The following WDFY4 variants were observed in gnomAD, a reference collection of about 807,000 sequenced individuals.
The protein encoded by WDFY4 is WD repeat- and FYVE domain-containing protein 4.
In WDFY4, 169 loss-of-function variants were observed where a neutral mutation model predicts 351.9. The ratio of observed to expected loss-of-function variants is 0.48; its 90% CI spans 0.42 to 0.55. The LOEUF (loss-of-function observed/expected upper bound fraction) is 0.55. Ranked by LOEUF, WDFY4 falls within the 20% of genes least tolerant of loss-of-function variation. The probability of loss-of-function intolerance (pLI) is 0.00; values close to 1 mark genes in which losing one functional copy is unlikely to be tolerated. For synonymous variants in WDFY4, 1,622 were observed against 1,574.6 expected, an observed-to-expected ratio of 1.03 and a Z score of -0.71; for missense variants, 3,803 against 3,935.6, an observed-to-expected ratio of 0.97 and a Z score of 0.90.
intron 58 of WDFY4, 83 bp from the exon 59 acceptor site, chr10:48,976,714 G>A: frequency 8.0e-7 from 1 of 1,242,780 alleles, no homozygotes; most frequent in Non-Finnish European, 1.0e-6. Flanking sequence ...GAGTACTTGG[G>A]TGTACCAACT....
chr10:48,817,748 A>T (rs2067672385), intron 32 of WDFY4, among the ~76,000 whole-genome samples: 1 of 152,214 alleles, frequency 6.6e-6, no homozygotes, highest in African/African-American at 2.4e-5. Flanking sequence ...GCTGTGCACC[A>T]CATGGGGGAG....
At chr10:48,829,467 CTT>C (rs1358093777) in intron 37 of WDFY4, among the ~76,000 whole-genome samples, 1 of 152,190 alleles carries the variant, frequency 6.6e-6, no homozygotes, top group African/African-American at 2.4e-5. Context: ...TATGCTCTCT[CTT>C]GGTCTAGGAA....
intron 60 of WDFY4, among the ~76,000 whole-genome samples, chr10:48,979,467 T>C (rs539868018): frequency 1.2e-4 from 18 of 152,294 alleles, no homozygotes; most frequent in South Asian, 8.3e-4. Context: ...TTTGAAGCTA[T>C]TGGGGCCCAG....
rs1371924764 is a variant in WDFY4, at chr10:48,733,984, G to T, written c.1636G>T (p.Val546Leu). The T allele has an allele frequency of 5.2e-6, 8 of 1,551,802 alleles. No individual in the cohort carries two copies. The African/African-American group carries it at 1.1e-4, about 21-fold the overall frequency. Reference protein sequence around the residue: ...VQDPERELTCVMLRIVVTLLK... With the variant: ...VQDPERELTCLMLRIVVTLLK... ...GGATCCAGAAAGAGAACTCACCTGT[G>T]TGATGCTGAGGATTGTAGTCACACT... The change falls in exon 10 of 62, where the codon GTG becomes TTG. Residue 546 changes from valine (V) to leucine (L), a missense_variant. By Grantham distance (32) the Val-to-Leu change is conservative. Coordinates refer to ENST00000325239, the MANE Select transcript of WDFY4 (RefSeq NM_001394531.1).
At chr10:48,852,260 G>A (rs111327810) in intron 39 of WDFY4, among the ~76,000 whole-genome samples, 14 of 152,324 alleles carry the variant, frequency 9.2e-5, no homozygotes, top group Non-Finnish European at 1.9e-4. Flanking sequence ...CATAGTGACA[G>A]AGTCCAAAGA....
chr10:48,974,519 A>AAAAAAAAAAAAAAAAAAAAAC (rs1352344126), intron 57 of WDFY4, among the ~76,000 whole-genome samples: 10 of 49,916 alleles, frequency 2.0e-4, no homozygotes, highest in East Asian at 7.8e-4. Flanking sequence ...AAAAAAAAAA[A>AAAAAAAAAAAAAAAAAAAAAC]AAAAAAAAAA....
Position 48,890,816 on chromosome 10 carries a change from C to T in WDFY4, c.7316+89C>T. On this transcript the variant is annotated intron_variant, in intron 44 of 61. Transcript: ENST00000325239. ...CCACTATTCCCCTTCTCACCTTGTT[C>T]TTACAGTGGGCTTAGATTTGGGCCT... 4 of 1,508,864 alleles carry T rather than the reference C, an allele frequency of 2.7e-6. No individual in the cohort carries two copies. The East Asian group carries it at 9.9e-5, about 37-fold the overall frequency. The allele number at this position is 1,508,864 out of a possible 1,614,324, so 93.5% of individuals were successfully genotyped here.
chr10:48,941,413 C>T (rs965163822), intron 47 of WDFY4, among the ~76,000 whole-genome samples: 2 of 152,164 alleles, frequency 1.3e-5, no homozygotes, highest in Admixed American at 6.5e-5. Context: ...TGGCCTTCCA[C>T]GTTGTTTGCA....
At chr10:48,864,656 G>A (rs12780156) in intron 39 of WDFY4, among the ~76,000 whole-genome samples, 1 of 152,090 alleles carries the variant, frequency 6.6e-6, no homozygotes, top group Non-Finnish European at 1.5e-5. Context: ...TGTTAATTCT[G>A]TAGATTATGT....
chr10:48,858,456 G>A (rs1341249331), intron 39 of WDFY4, among the ~76,000 whole-genome samples: 1 of 152,176 alleles, frequency 6.6e-6, no homozygotes, highest in South Asian at 2.1e-4. Flanking sequence ...AACACCATTT[G>A]CTGAAAAGCT....
intron 61 of WDFY4, among the ~76,000 whole-genome samples, chr10:48,982,063 C>T (rs1449007601): frequency 1.3e-5 from 2 of 152,112 alleles, no homozygotes; most frequent in Non-Finnish European, 2.9e-5. Flanking sequence ...TGGGCTGTTC[C>T]GGGGTCCTTG....
chr10:48,799,599 CCT>C (rs2066989122), intron 24 of WDFY4, among the ~76,000 whole-genome samples: 1 of 152,108 alleles, frequency 6.6e-6, no homozygotes. Flanking sequence ...ATGGTGAAAC[CCT>C]GTCTCTACTA....
intron 43 of WDFY4, among the ~76,000 whole-genome samples, chr10:48,888,907 G>A (rs2070577213): frequency 6.6e-6 from 1 of 152,164 alleles, no homozygotes; most frequent in Non-Finnish European, 1.5e-5. Context: ...TGTATCACAG[G>A]TTGTAATAGT....
In WDFY4 at chr10:48,974,527, A is replaced by AAAAAAAAAAAAAAAAAAAAAAAC; in HGVS notation, c.8929-333_8929-332insAAAAAAAAAAAAAAAAAAAACAA. Among the ~76,000 whole-genome samples the AAAAAAAAAAAAAAAAAAAAAAAC allele has an allele frequency of 1.6e-3, 37 of 23,190 alleles. 4 individuals are homozygous for AAAAAAAAAAAAAAAAAAAAAAAC. The highest frequency in any genetic ancestry group is 2.5e-3 in the African/African-American group (34 of 13,802). The allele number at this position is 23,190 out of a possible 152,430, so 15.2% of individuals were successfully genotyped here. On this transcript the variant is annotated intron_variant, in intron 57 of 61. Transcript: ENST00000325239. ...CAAAAAAAAAAAAAAAAAAAAAAAA[A>AAAAAAAAAAAAAAAAAAAAAAAC]AACAACTCATGACATGAACTGCTCC...
At chr10:48,700,480 G>A (rs1006734741) in intron 1 of WDFY4, among the ~76,000 whole-genome samples, 6 of 152,178 alleles carry the variant, frequency 3.9e-5, no homozygotes, top group South Asian at 2.1e-4. Flanking sequence ...CTCCCTTCCC[G>A]GAACTAACCC....
intron 9 of WDFY4, among the ~76,000 whole-genome samples, chr10:48,731,933 C>T (rs1020814177): frequency 3.0e-4 from 46 of 152,184 alleles, no homozygotes; most frequent in African/African-American, 9.7e-4. Flanking sequence ...TGGGATATGG[C>T]TTCCTAGCTC....
intron 56 of WDFY4, among the ~76,000 whole-genome samples, chr10:48,969,754 A>G (rs1358697412): frequency 1.4e-5 from 2 of 146,022 alleles, no homozygotes; most frequent in African/African-American, 5.1e-5. Flanking sequence ...CCCTAATCCC[A>G]TCACTTACAA....
intron 37 of WDFY4, among the ~76,000 whole-genome samples, chr10:48,829,660 C>A (rs1190876552): frequency 1.3e-5 from 2 of 152,072 alleles, no homozygotes; most frequent in Non-Finnish European, 2.9e-5. Flanking sequence ...GACCAGCCTG[C>A]CCAACATGCT....
At chr10:48,900,189 T>A (rs759410078) in intron 45 of WDFY4, 32 bp from the exon 46 acceptor site, 10 of 1,543,184 alleles carry the variant, frequency 6.5e-6, no homozygotes, top group Non-Finnish European at 7.9e-6. Flanking sequence ...CCACAAAATA[T>A]CAGGAGCATT....
Sources: allele counts gnomAD v4.1 joint callset (sites outside exome capture counted in the v4.1 genomes callset), GRCh38; gene constraint gnomAD v4.1.1; transcripts MANE v1.5; gene names NCBI Gene and HGNC (gene_info 2026-07-23, HGNC 2026-07-21).